Variants in ECHS1 observed in about 807,000 individuals in gnomAD.
ECHS1 encodes enoyl-CoA hydratase, short chain 1, also known as enoyl-CoA hydratase, mitochondrial.
ECHS1 carries 19 observed loss-of-function variants against 33.5 expected under a neutral mutation model. That is an observed-to-expected ratio of 0.57 (90% CI 0.40 to 0.83). ECHS1 has a LOEUF of 0.83. Among genes scored for constraint, ECHS1 ranks in the 40% least tolerant of loss-of-function variants. The pLI, the probability that ECHS1 is intolerant of heterozygous loss-of-function variation, is 0.00. For synonymous variants in ECHS1, 158 were observed against 146.6 expected, an observed-to-expected ratio of 1.08 and a Z score of -0.56; for missense variants, 365 against 381.3, an observed-to-expected ratio of 0.96 and a Z score of 0.36.
At chr10:133,363,150 T>C (rs1369875789) in intron 7 of ECHS1, among the ~76,000 whole-genome samples, 1 of 152,166 alleles carries the variant, frequency 6.6e-6, no homozygotes, top group Admixed American at 6.5e-5. Flanking sequence ...TAGGTGACGG[T>C]CATTCAGGAG....
chr10:133,368,935 C>T lies in ECHS1; in HGVS notation c.502G>A (p.Gly168Arg). The stretch of plus-strand genomic sequence containing the variant: ...TGTCACTCTTTACCTGGGATGGTTC[C>T]TATTAAGATCTCCGGCTGTGCAAAC... ...AQFAQPEILI[G>R]TIPGAGGTQR... The change falls in exon 4 of 8, where the codon GGA (glycine) becomes AGA (arginine). Residue 168 changes from glycine (G) to arginine (R), a missense_variant. Transcript: ENST00000368547. 1 of 1,613,622 alleles carries T rather than the reference C, an allele frequency of 6.2e-7. No individual in the cohort carries two copies. Among genetic ancestry groups the T allele is most frequent in the South Asian group, 1.1e-5 (1 of 91,086 alleles).
Position 133,362,786 on chromosome 10 carries a change from G to T in ECHS1, c.*82C>A. 1 of 1,478,732 alleles carries T rather than the reference G, an allele frequency of 6.8e-7. No individual in the cohort carries two copies. Among genetic ancestry groups the T allele is most frequent in the Non-Finnish European group, 9.5e-7 (1 of 1,057,018 alleles). 91.6% of individuals were successfully genotyped at this position (1,478,732 alleles called of 1,614,324 possible). On this transcript the variant is annotated 3_prime_UTR_variant, in exon 8 of 8. Coordinates refer to ENST00000368547, the MANE Select transcript of ECHS1 (RefSeq NM_004092.4). The stretch of plus-strand genomic sequence containing the variant: ...ACACCACGGACACTGCTCTTGAAAA[G>T]AGGATGATTTACTTGCTTCTAAAAC...
intron 7 of ECHS1, among the ~76,000 whole-genome samples, 179 bp from the exon 8 acceptor site, chr10:133,363,112 G>A (rs973943029): frequency 6.6e-6 from 1 of 152,180 alleles, no homozygotes; most frequent in East Asian, 1.9e-4. Context: ...CTGGGCGCGG[G>A]GATTTTCACG....
rs1564803439 is a variant in ECHS1 at position 133,365,976 on chromosome 10, C to CT, written c.738dup (p.Ala247SerfsTer3). 6.2e-7 allele frequency: 1 copy of CT among 1,613,776 alleles called. No homozygotes were observed. Among genetic ancestry groups the CT allele is most frequent in the Non-Finnish European group, 8.5e-7 (1 of 1,180,002 alleles). Reference sequence around the variant, plus strand: ...AGTGTCTTCCTGGCAGATCCCCTACCTGCATTCACTGATTCTTTGGCCATC... The same window carrying CT: ...AGTGTCTTCCTGGCAGATCCCCTACCTTGCATTCACTGATTCTTTGGCCATC... On this transcript the variant is annotated frameshift_variant and splice_region_variant, in exon 6 of 8. Coordinates refer to ENST00000368547, the MANE Select transcript of ECHS1 (RefSeq NM_004092.4). LOFTEE classifies it high-confidence loss of function.
At chr10:133,364,378 T>G (rs1202736243) in intron 7 of ECHS1, among the ~76,000 whole-genome samples, 1 of 152,194 alleles carries the variant, frequency 6.6e-6, no homozygotes, top group African/African-American at 2.4e-5. Context: ...AACTGCATTT[T>G]CAATAAAGGA....
At chr10:133,366,406 C>T (rs930117292) in intron 5 of ECHS1, among the ~76,000 whole-genome samples, 1 of 152,254 alleles carries the variant, frequency 6.6e-6, no homozygotes, top group Non-Finnish European at 1.5e-5. Flanking sequence ...CCTGGAGATG[C>T]CCATTGCTTA....
At chr10:133,365,345 C>A (rs555137170) in intron 6 of ECHS1, among the ~76,000 whole-genome samples, 1 of 152,222 alleles carries the variant, frequency 6.6e-6, no homozygotes, top group Admixed American at 6.5e-5. Context: ...GCCCGGGGGA[C>A]GGCCACACCC....
intron 5 of ECHS1, among the ~76,000 whole-genome samples, chr10:133,366,400 G>A (rs1405433450): frequency 1.3e-5 from 2 of 152,292 alleles, no homozygotes; most frequent in East Asian, 3.8e-4. Flanking sequence ...CTGAGGCCTG[G>A]AGATGCCCAT....
At chr10:133,369,871 C>A in intron 3 of ECHS1, 33 bp downstream of exon 3, 8 of 1,610,420 alleles carry the variant, frequency 5.0e-6, no homozygotes, top group Non-Finnish European at 6.8e-6. Flanking sequence ...CCTTCAACCA[C>A]GAGAGGAGGA....
rs1357448256 is a variant in ECHS1, at chr10:133,373,150, G to A, written c.88+96C>T. ...GTTGGGGTCAGGTGGGGGATGCGGGGTCAGGTGGGAGGGGGGTGCGGTCTG... is the reference window on the plus strand; with the variant it reads ...GTTGGGGTCAGGTGGGGGATGCGGGATCAGGTGGGAGGGGGGTGCGGTCTG... On this transcript the variant is annotated intron_variant, in intron 1 of 7. Coordinates refer to ENST00000368547, the MANE Select transcript of ECHS1 (RefSeq NM_004092.4). 39 of 1,019,574 alleles carry A rather than the reference G, an allele frequency of 3.8e-5. No homozygotes were observed. The East Asian group carries it at 1.2e-3, about 31-fold the overall frequency. The allele number at this position is 1,019,574 out of a possible 1,614,324, so 63.2% of individuals were successfully genotyped here.
At chr10:133,364,537 G>A in intron 7 of ECHS1, 121 bp downstream of exon 7, 1 of 765,138 alleles carries the variant, frequency 1.3e-6, no homozygotes, top group Non-Finnish European at 2.2e-6. Context: ...CCCGTTAAAG[G>A]TGAGGCTGGC....
intron 6 of ECHS1, 149 bp downstream of exon 6, chr10:133,365,827 C>T: frequency 3.0e-6 from 3 of 992,888 alleles, no homozygotes; most frequent in Non-Finnish European, 4.5e-6. Flanking sequence ...GAAACCACGA[C>T]TCTACAGACA....
chr10:133,362,620 C>T lies in ECHS1; in HGVS notation c.*248G>A. 2 of 550,544 alleles carry T rather than the reference C, an allele frequency of 3.6e-6. No homozygotes were observed. Among genetic ancestry groups the T allele is most frequent in the East Asian group, 6.3e-5 (2 of 31,780 alleles). 34.1% of individuals were successfully genotyped at this position (550,544 alleles called of 1,614,324 possible). On this transcript the variant is annotated 3_prime_UTR_variant, in exon 8 of 8. Coordinates refer to ENST00000368547, the MANE Select transcript of ECHS1 (RefSeq NM_004092.4). ...CGCTTTCCGTCCGAGCACAGCATGC[C>T]CAGAGGGACCAGCGGGGGCTCCTCA...
chr10:133,373,283 G>C lies in ECHS1; in HGVS notation c.51C>G (p.Pro17=). The C allele has an allele frequency of 6.8e-7, 1 of 1,476,678 alleles. No homozygotes were observed. The highest frequency in any genetic ancestry group is 8.9e-7 in the Non-Finnish European group (1 of 1,119,840). The allele number at this position is 1,476,678 out of a possible 1,614,324, so 91.5% of individuals were successfully genotyped here. The change falls in exon 1 of 8, where the codon CCC becomes CCG. Residue 17 remains proline, a synonymous_variant. Transcript: ENST00000368547. ...GACGCCAGGCGGGACAGCGAACCGGGGGCCTCAGCGGGCCGCGGACGCAGG... is the reference window on the plus strand; with the variant it reads ...GACGCCAGGCGGGACAGCGAACCGGCGGCCTCAGCGGGCCGCGGACGCAGG... ...LLSCVRGPLR[P]PVRCPAWRPF...
chr10:133,373,161 G>A (rs1221820251), intron 1 of ECHS1, 85 bp downstream of exon 1: 1 of 990,998 alleles, frequency 1.0e-6, no homozygotes, highest in Non-Finnish European at 1.3e-6. Context: ...TCAGGTGGGA[G>A]GGGGGTGCGG....
intron 1 of ECHS1, among the ~76,000 whole-genome samples, chr10:133,372,116 A>G (rs2133444333): frequency 6.6e-6 from 1 of 152,294 alleles, no homozygotes; most frequent in East Asian, 1.9e-4. Flanking sequence ...TCTAGGGGTA[A>G]CTGGAAGATC....
chr10:133,365,335 G>C (rs1849014381), intron 6 of ECHS1, among the ~76,000 whole-genome samples: 1 of 152,220 alleles, frequency 6.6e-6, no homozygotes. Context: ...CCAACGGCAA[G>C]CCCGGGGGAC....
At chr10:133,365,379 G>A (rs137876244) in intron 6 of ECHS1, among the ~76,000 whole-genome samples, 2 of 152,376 alleles carry the variant, frequency 1.3e-5, no homozygotes, top group Non-Finnish European at 2.9e-5. Context: ...ACTCAGAGAG[G>A]TTAGGGGACC....
intron 1 of ECHS1, among the ~76,000 whole-genome samples, chr10:133,372,618 C>T (rs1242180090): frequency 1.3e-5 from 2 of 152,050 alleles, no homozygotes; most frequent in Non-Finnish European, 2.9e-5. Flanking sequence ...GCAGTACCAG[C>T]CAGCCGCCGG....
Sources: allele counts gnomAD v4.1 joint callset (sites outside exome capture counted in the v4.1 genomes callset), GRCh38; gene constraint gnomAD v4.1.1; transcripts MANE v1.5; gene names NCBI Gene and HGNC (gene_info 2026-07-23, HGNC 2026-07-21).